Variants in GALK2 observed in about 807,000 individuals in gnomAD.
GALK2 encodes galactokinase 2.
In GALK2, 36 loss-of-function variants were observed where a neutral mutation model predicts 52.4. The ratio of observed to expected loss-of-function variants is 0.69; its 90% confidence interval spans 0.53 to 0.91. GALK2 has a LOEUF of 0.91. Ranked by LOEUF, GALK2 falls within the 40% of genes least tolerant of loss-of-function variation. GALK2 has a pLI of 0.00. For synonymous variants in GALK2, 176 were observed against 199.1 expected (o/e 0.88, Z 0.98); for missense variants, 579 against 559.1 (o/e 1.04, Z -0.36).
rs2085102257 is a variant in GALK2 at position 49,171,604 on chromosome 15, G to A, written c.53+1229G>A. ...TTATTATAGAGTCCAGCACAGCTTT[G>A]GACTACTTCTCAATGTCTTTGAATG... is the stretch of plus-strand genomic sequence containing the variant. On this transcript the variant is annotated intron_variant, in intron 1 of 9. Coordinates refer to ENST00000560031, the MANE Select transcript of GALK2 (RefSeq NM_002044.4). Among the ~76,000 whole-genome samples the A allele has an allele frequency of 2.0e-5, 3 of 152,048 alleles. No individual in the cohort carries two copies. In the South Asian group the frequency reaches 6.2e-4, roughly 32 times the overall value.
chr15:49,333,011 GCT>G (rs1308669721), downstream of GALK2, among the ~76,000 whole-genome samples: 8 of 152,090 alleles, frequency 5.3e-5, no homozygotes, highest in South Asian at 1.5e-3. Context: ...CTCAAATCTG[GCT>G]CTTAGTTTCT....
At chr15:49,164,202 AGT>A (rs1377448018) in intron 1 of GALK2, among the ~76,000 whole-genome samples, 1 of 152,226 alleles carries the variant, frequency 6.6e-6, no homozygotes, top group Non-Finnish European at 1.5e-5. Flanking sequence ...ATGCTAATAC[AGT>A]ATGATTAAGC....
intron 2 of GALK2, among the ~76,000 whole-genome samples, chr15:49,205,214 T>G (rs1371317222): frequency 6.6e-6 from 1 of 152,232 alleles, no homozygotes; most frequent in Non-Finnish European, 1.5e-5. Context: ...CTTTTTCAAA[T>G]AATGACTTCT....
downstream of GALK2, among the ~76,000 whole-genome samples, chr15:49,336,637 C>CT (rs1234867056): frequency 6.6e-6 from 1 of 152,124 alleles, no homozygotes; most frequent in African/African-American, 2.4e-5. Flanking sequence ...TTATTTTTCA[C>CT]TAAGTATTTT....
At position 49,345,508 on chromosome 15, in the gene GALK2, C is replaced by A. The variant is rs2041346463; in HGVS notation, c.427-21983C>A. ...AGACACTTATAACTATAAATTTTTT[C>A]CGAATTAGATAAAACAGAATACTTA... On this transcript the variant is annotated intron_variant, in intron 3 of 3. Coordinates refer to the GALK2 transcript ENST00000558399. Among the ~76,000 whole-genome samples, 5 of 152,228 alleles carry A rather than the reference C, an allele frequency of 3.3e-5. No homozygotes were observed. The South Asian group carries it at 1.0e-3, about 32-fold the overall frequency.
At chr15:49,219,319 T>C (rs1179988556) in intron 3 of GALK2, among the ~76,000 whole-genome samples, 2 of 152,158 alleles carry the variant, frequency 1.3e-5, no homozygotes, top group Admixed American at 1.3e-4. Flanking sequence ...AATGGGAGTT[T>C]CCCTGCACAA....
chr15:49,296,242 C>A (rs2034467426), intron 8 of GALK2, among the ~76,000 whole-genome samples: 1 of 152,120 alleles, frequency 6.6e-6, no homozygotes, highest in South Asian at 2.1e-4. Flanking sequence ...AGCATAGTAT[C>A]CAAAGGGTAG....
intron 5 of GALK2, among the ~76,000 whole-genome samples, chr15:49,280,366 C>T (rs187202994): frequency 1.3e-5 from 2 of 152,120 alleles, no homozygotes; most frequent in African/African-American, 2.4e-5. Flanking sequence ...GTTGGGAATG[C>T]GGTGGGGAGT....
intron 5 of GALK2, among the ~76,000 whole-genome samples, chr15:49,262,475 T>C (rs1307016638): frequency 1.3e-5 from 2 of 152,226 alleles, no homozygotes; most frequent in Non-Finnish European, 2.9e-5. Context: ...TGTATTAGTC[T>C]TGCTAGCGGT....
Position 49,365,616 on chromosome 15 carries a change from G to A in GALK2, c.427-1875G>A, listed in dbSNP as rs536313546. Reference sequence around the variant, plus strand: ...CATTCTTTGTGATGAATGGTGTTATGAAAACAAAAAATACATCATAGAGGA... The same window carrying A: ...CATTCTTTGTGATGAATGGTGTTATAAAAACAAAAAATACATCATAGAGGA... On this transcript the variant is annotated intron_variant, in intron 3 of 3. Transcript: ENST00000558399. The A allele has an allele frequency of 6.7e-4, 737 of 1,106,806 alleles. 2 individuals are homozygous for A. Among genetic ancestry groups the A allele is most frequent in the Middle Eastern group, 5.0e-4 (2 of 4,018 alleles). 68.6% of individuals were successfully genotyped at this position (1,106,806 alleles called of 1,614,324 possible).
At chr15:49,250,633 AC>A (rs1168714858) in intron 5 of GALK2, among the ~76,000 whole-genome samples, 1 of 152,160 alleles carries the variant, frequency 6.6e-6, no homozygotes, top group Non-Finnish European at 1.5e-5. Flanking sequence ...CCATGCTGCT[AC>A]CTATGGTATA....
At chr15:49,248,822 GTTTACC>G (rs938842526) in intron 5 of GALK2, among the ~76,000 whole-genome samples, 1 of 151,972 alleles carries the variant, frequency 6.6e-6, no homozygotes, top group African/African-American at 2.4e-5. Context: ...CTAAATACTT[GTTTACC>G]TTTAGCGTAA....
intron 5 of GALK2, among the ~76,000 whole-genome samples, chr15:49,277,447 C>A (rs557318482): frequency 7.0e-6 from 1 of 142,510 alleles, no homozygotes; most frequent in African/African-American, 2.6e-5. Flanking sequence ...GGATGACAGG[C>A]GTGAGCCACC....
intron 5 of GALK2, among the ~76,000 whole-genome samples, chr15:49,240,038 C>A (rs1364442640): frequency 2.0e-5 from 3 of 152,142 alleles, no homozygotes; most frequent in Non-Finnish European, 4.4e-5. Context: ...TTGGACAGAT[C>A]AAGAGAAAGG....
chr15:49,184,582 A>G (rs933720696), intron 1 of GALK2, among the ~76,000 whole-genome samples: 12 of 151,662 alleles, frequency 7.9e-5, no homozygotes, highest in Non-Finnish European at 1.6e-4. Flanking sequence ...TGTGAAGGTG[A>G]TTTTCTCTGG....
chr15:49,356,181 A>C (rs1354119583), intron 3 of GALK2, among the ~76,000 whole-genome samples: 4 of 152,190 alleles, frequency 2.6e-5, no homozygotes, highest in African/African-American at 9.7e-5. Flanking sequence ...AACTGCATCA[A>C]CTAACGAGCA....
intron 1 of GALK2, among the ~76,000 whole-genome samples, chr15:49,171,956 A>G (rs986860590): frequency 6.6e-5 from 10 of 152,062 alleles, no homozygotes; most frequent in African/African-American, 2.2e-4. Context: ...TGTTTTTGGT[A>G]GAGACGGAGT....
intron 5 of GALK2, among the ~76,000 whole-genome samples, chr15:49,277,178 T>A (rs1362281749): frequency 0.034 from 1,150 of 33,838 alleles, 107 homozygotes; most frequent in South Asian, 0.19. Context: ...TTTTTTTTTT[T>A]TTTTTTTTGA....
chr15:49,177,670 G>A (rs764959601), intron 1 of GALK2: 8 of 361,396 alleles, frequency 2.2e-5, no homozygotes, highest in Non-Finnish European at 4.0e-5. Context: ...CACCAGGAGT[G>A]TGGTGGAACT....
Sources: allele counts gnomAD v4.1 joint callset (sites outside exome capture counted in the v4.1 genomes callset), GRCh38; gene constraint gnomAD v4.1.1; transcripts MANE v1.5; gene names NCBI Gene and HGNC (gene_info 2026-07-23, HGNC 2026-07-21).